The following MED1 variants were observed in gnomAD, a reference collection of about 807,000 sequenced individuals.
The protein encoded by MED1 is mediator of RNA polymerase II transcription subunit 1.
A neutral mutation model predicts 121.3 loss-of-function variants in MED1; 17 were observed. That is an observed-to-expected ratio of 0.14 (90% CI 0.10 to 0.21). The LOEUF (loss-of-function observed/expected upper bound fraction) is 0.21, where lower values mean the gene tolerates loss of function less well. Ranked by LOEUF, MED1 falls within the 10% of genes least tolerant of loss-of-function variation. The probability of loss-of-function intolerance (pLI) is 1.00; values close to 1 mark genes in which losing one functional copy is unlikely to be tolerated. For synonymous variants in MED1, 661 were observed against 694.4 expected (o/e 0.95, Z 0.76); for missense variants, 1,558 against 1,919.4 (o/e 0.81, Z 3.52).
In MED1 at chr17:39,423,332, A is replaced by G; in HGVS notation, c.1090T>C (p.Tyr364His). The stretch of plus-strand genomic sequence containing the variant: ...CTCCCTAGGGCTTTACTTACAGCAT[A>G]AAATCTCATGTTGTGATTCAAAGGT... ...PIPLNHNMRF[Y>H]AALPGQQHCY... The change falls in exon 13 of 17, where the codon TAT becomes CAT. Residue 364 changes from tyrosine (Y) to histidine (H), a missense_variant. By Grantham distance (83) the Tyr-to-His change is moderately conservative (BLOSUM62 2). Transcript: ENST00000300651. 1 of 1,597,734 alleles carries G rather than the reference A, an allele frequency of 6.3e-7. No homozygotes were observed.
At chr17:39,439,863 A>T (rs1161766623) in intron 5 of MED1, among the ~76,000 whole-genome samples, 1 of 151,578 alleles carries the variant, frequency 6.6e-6, no homozygotes, top group Admixed American at 6.6e-5. Context: ...GCTTGAATCC[A>T]GGAGGCAGAG....
chr17:39,450,096 G>T (rs2048767717), intron 1 of MED1, among the ~76,000 whole-genome samples: 1 of 148,914 alleles, frequency 6.7e-6, no homozygotes, highest in Non-Finnish European at 1.5e-5. Flanking sequence ...TTACACGCGT[G>T]AGCCACAGTG....
At chr17:39,443,942 A>C (rs911682611) in intron 2 of MED1, among the ~76,000 whole-genome samples, 6 of 152,220 alleles carry the variant, frequency 3.9e-5, no homozygotes, top group Non-Finnish European at 8.8e-5. Context: ...CAGCCAAGGC[A>C]AGATAGAGAG....
At chr17:39,445,899 G>A (rs2048721418) in intron 2 of MED1, among the ~76,000 whole-genome samples, 1 of 151,582 alleles carries the variant, frequency 6.6e-6, no homozygotes, top group African/African-American at 2.4e-5. Context: ...CATGGTGGCG[G>A]ATGCCTGTAA....
rs769061542 is a variant in MED1 at position 39,440,798 on chromosome 17, G to C, written c.212-121C>G. On this transcript the variant is annotated intron_variant, in intron 3 of 16. Transcript: ENST00000300651. This position sits in a 1 kb window ranked among gnomAD's most constrained non-coding sequence, Gnocchi z 4.1. ...AACATATTCAGTAGTTCAAATGCTT[G>C]TAATTTACATAAAGTTCACTGATTA... 1 of 938,622 alleles carries C rather than the reference G, an allele frequency of 1.1e-6. No homozygotes were observed. Among genetic ancestry groups the C allele is most frequent in the Non-Finnish European group, 1.6e-6 (1 of 608,450 alleles). The allele number at this position is 938,622 out of a possible 1,614,324, so 58.1% of individuals were successfully genotyped here.
intron 9 of MED1, 24 bp from the exon 10 acceptor site, chr17:39,427,814 T>A (rs1440756447): frequency 1.4e-6 from 2 of 1,381,908 alleles, no homozygotes; most frequent in Non-Finnish European, 2.0e-6. Flanking sequence ...AACTCATAAC[T>A]GTATCTTTAT....
Position 39,407,313 on chromosome 17 carries a change from T to C in MED1, c.*162A>G. The stretch of plus-strand genomic sequence containing the variant: ...ACCCTGTGGTTTCTTTAATAGGGTC[T>C]GGATATGCCTTTCTAATTCACCCAG... On this transcript the variant is annotated 3_prime_UTR_variant, in exon 17 of 17. Coordinates refer to ENST00000300651, the MANE Select transcript of MED1 (RefSeq NM_004774.4). 1 of 1,367,446 alleles carries C rather than the reference T, an allele frequency of 7.3e-7. No individual in the cohort carries two copies. The highest frequency in any genetic ancestry group is 9.4e-7 in the Non-Finnish European group (1 of 1,064,008). 84.7% of individuals were successfully genotyped at this position (1,367,446 alleles called of 1,614,324 possible).
chr17:39,423,789 T>C lies in MED1; in HGVS notation c.884A>G (p.Asn295Ser), dbSNP rs201355333. Residue 295 changes from asparagine to serine, a missense_variant, in exon 12 of 17, where the codon AAC becomes AGC. Physicochemically the swap from Asn to Ser is conservative, Grantham distance 46. This residue lies in a region of MED1 where 443 missense variants were observed against 532.4 expected (regional missense o/e 0.83). Coordinates refer to ENST00000300651, the MANE Select transcript of MED1 (RefSeq NM_004774.4). ...GAAACAGGCAGGAAGATCAACACTG[T>C]TGGCACTGGTGATTGAGGAGAAGGA... ...TPSFSSITSA[N>S]SVDLPACFFL... 5.1e-5 allele frequency: 83 copies of C among 1,613,638 alleles called. No homozygotes were observed. The highest frequency in any genetic ancestry group is 1.6e-4 in the Middle Eastern group (1 of 6,084).
chr17:39,438,367 G>A (rs1353284584), intron 6 of MED1, among the ~76,000 whole-genome samples: 7 of 139,038 alleles, frequency 5.0e-5, no homozygotes, highest in Middle Eastern at 3.6e-3. Flanking sequence ...TTTTTGAGAC[G>A]GCGTCTTGCT....
chr17:39,447,995 C>A, intron 1 of MED1, 91 bp from the exon 2 acceptor site: 1 of 797,380 alleles, frequency 1.3e-6, no homozygotes. Context: ...CACTTCATCA[C>A]AGTAAGAATT....
At chr17:39,414,634 CTTTTTTTTTTTTTTTTTTT>C (rs55829399) in intron 16 of MED1, among the ~76,000 whole-genome samples, 14 of 61,556 alleles carry the variant, frequency 2.3e-4, no homozygotes, top group Non-Finnish European at 3.1e-4. Flanking sequence ...CAGGCCCGGC[CTTTTTTTTTTTTTTTTTTT>C]TTTTTTTTTT....
chr17:39,418,044 C>T (rs1489486371), intron 14 of MED1, among the ~76,000 whole-genome samples: 1 of 138,786 alleles, frequency 7.2e-6, no homozygotes, highest in African/African-American at 2.7e-5. Flanking sequence ...CAAGATCATG[C>T]CACTGCACTC....
chr17:39,406,747 C>T lies in MED1; in HGVS notation c.*728G>A, dbSNP rs1040673012. The T allele has an allele frequency of 1.0e-6, 1 of 985,434 alleles. No homozygotes were observed. Among genetic ancestry groups the T allele is most frequent in the Admixed American group, 6.1e-5 (1 of 16,276 alleles). 61.0% of individuals were successfully genotyped at this position (985,434 alleles called of 1,614,324 possible). On this transcript the variant is annotated 3_prime_UTR_variant, in exon 17 of 17. Coordinates refer to ENST00000300651, the MANE Select transcript of MED1 (RefSeq NM_004774.4). ...ACTAATTTGCTTGGGCTTGATGCTA[C>T]AGTATTAGCACAAGCTATAAGCTCC...
At chr17:39,442,067 C>T (rs2048680658) in intron 3 of MED1, among the ~76,000 whole-genome samples, 1 of 150,506 alleles carries the variant, frequency 6.6e-6, no homozygotes, top group South Asian at 2.1e-4. Context: ...CGTGCCACTG[C>T]ACTCCAGCCT....
intron 9 of MED1, among the ~76,000 whole-genome samples, chr17:39,428,625 C>A (rs1428308691): frequency 2.0e-5 from 3 of 151,964 alleles, no homozygotes; most frequent in Non-Finnish European, 4.4e-5. Flanking sequence ...CAGAGCAAGA[C>A]CCCGTCTCAA....
In MED1 at chr17:39,440,743, G is replaced by C. The variant is rs747529187; in HGVS notation, c.212-66C>G. The C allele has an allele frequency of 7.0e-6, 10 of 1,426,042 alleles. No homozygotes were observed. The highest frequency in any genetic ancestry group is 9.7e-6 in the Non-Finnish European group (10 of 1,026,930). The allele number at this position is 1,426,042 out of a possible 1,614,324, so 88.3% of individuals were successfully genotyped here. ...AATGACTTAAATGATATTCTTTTAA[G>C]ACAGAAAGATTCATCCTTCCAAAAC... On this transcript the variant is annotated intron_variant, in intron 3 of 16. Coordinates refer to ENST00000300651, the MANE Select transcript of MED1 (RefSeq NM_004774.4). The surrounding 1 kb of genome is among the most constrained non-coding windows in gnomAD (Gnocchi z 4.1).
intron 16 of MED1, among the ~76,000 whole-genome samples, chr17:39,412,228 CTTT>C (rs1163616624): frequency 3.5e-4 from 46 of 132,258 alleles, no homozygotes; most frequent in African/African-American, 1.2e-3. Flanking sequence ...ATTTTTTTTT[CTTT>C]TTTTTTTTTT....
chr17:39,413,641 G>A (rs1174884923), intron 16 of MED1, among the ~76,000 whole-genome samples: 1 of 151,960 alleles, frequency 6.6e-6, no homozygotes, highest in Non-Finnish European at 1.5e-5. Context: ...GGTCTAGGTG[G>A]AAGGATAACC....
Position 39,440,505 on chromosome 17 carries a change from G to A in MED1, c.280C>T (p.Leu94Phe). 1 of 1,610,724 alleles carries A rather than the reference G, an allele frequency of 6.2e-7. No individual in the cohort carries two copies. The highest frequency in any genetic ancestry group is 8.5e-7 in the Non-Finnish European group (1 of 1,179,302). ...IARQNGLGSH[L>F]SASGTECYIT... ...TAACATTCAGTGCCACTGGCACTGA[G>A]ATGAGAGCCCAGTCTAGCAGGAACA... Residue 94 changes from leucine to phenylalanine, a missense_variant, in exon 5 of 17, where the codon CTC becomes TTC. Around this residue, in one of 5 missense-constraint regions of MED1, gnomAD observed 443 missense variants for 532.4 expected, o/e 0.83. Transcript: ENST00000300651. The surrounding 1 kb of genome is among the most constrained non-coding windows in gnomAD (Gnocchi z 4.1).
Sources: gnomAD v4.1 joint callset for allele counts (sites outside exome capture counted in the v4.1 genomes callset) on GRCh38, gnomAD v4.1.1 for gene constraint, gnomAD v4.1.1 regional missense constraint, Gnocchi (gnomAD v3.1) non-coding constraint, MANE v1.5 for transcripts, NCBI Gene and HGNC (gene_info 2026-07-23, HGNC 2026-07-21) for gene names.